Variants in ZNF385D observed in about 807,000 individuals in gnomAD.
ZNF385D encodes zinc finger protein 659.
ZNF385D carries 15 observed loss-of-function variants against 35.8 expected under a neutral mutation model. The ratio of observed to expected loss-of-function variants is 0.42; its 90% CI spans 0.28 to 0.64. ZNF385D has a LOEUF of 0.64. Among genes scored for constraint, ZNF385D ranks in the 30% least tolerant of loss-of-function variants. The probability of loss-of-function intolerance (pLI) is 0.23; values close to 1 mark genes in which losing one functional copy is unlikely to be tolerated. For missense variants in ZNF385D, 474 were observed against 494.6 expected (o/e 0.96, Z 0.39); for synonymous variants, 212 against 186.8 (o/e 1.13, Z -1.10).
At chr3:21,676,056 T>C (rs779212443) in intron 1 of ZNF385D, among the ~76,000 whole-genome samples, 3 of 152,136 alleles carry the variant, frequency 2.0e-5, no homozygotes, top group Non-Finnish European at 4.4e-5. Flanking sequence ...ACAAAATTCC[T>C]AGGAAACCTA....
At chr3:21,510,551 G>C (rs962431281) in intron 4 of ZNF385D, among the ~76,000 whole-genome samples, 4 of 152,126 alleles carry the variant, frequency 2.6e-5, no homozygotes, top group Non-Finnish European at 4.4e-5. Context: ...AGATGCAAAT[G>C]CTGCACACTG....
At chr3:21,792,753 A>G (rs2071983220) in intron 3 of ZNF385D, among the ~76,000 whole-genome samples, 1 of 152,170 alleles carries the variant, frequency 6.6e-6, no homozygotes, top group Non-Finnish European at 1.5e-5. Context: ...TCCCAATTGC[A>G]TAAAGTTCAA....
At chr3:22,029,691 T>C (rs770115136) in intron 3 of ZNF385D, among the ~76,000 whole-genome samples, 25 of 152,252 alleles carry the variant, frequency 1.6e-4, no homozygotes, top group Admixed American at 1.2e-3. Flanking sequence ...TTTGACTTCA[T>C]ATCACATTTA....
chr3:21,846,641 A>G (rs886914911), intron 3 of ZNF385D, among the ~76,000 whole-genome samples: 7 of 151,960 alleles, frequency 4.6e-5, no homozygotes, highest in African/African-American at 1.4e-4. Context: ...TGGAGGGGCG[A>G]TCTAAGAGAA....
At chr3:21,890,172 A>G (rs970642483) in intron 3 of ZNF385D, among the ~76,000 whole-genome samples, 2 of 152,182 alleles carry the variant, frequency 1.3e-5, no homozygotes, top group African/African-American at 4.8e-5. Context: ...CCCTAATATT[A>G]TGTGCAGGTT....
chr3:22,266,216 G>A (rs1194174552), intron 2 of ZNF385D, among the ~76,000 whole-genome samples: 2 of 151,920 alleles, frequency 1.3e-5, no homozygotes, highest in Non-Finnish European at 2.9e-5. Context: ...GAGGAGCCAG[G>A]TCTGGAAATA....
At chr3:21,795,977 G>A (rs1029530878) in intron 3 of ZNF385D, among the ~76,000 whole-genome samples, 2 of 152,196 alleles carry the variant, frequency 1.3e-5, no homozygotes, top group African/African-American at 4.8e-5. Flanking sequence ...AGATCTAATA[G>A]TCTAGGGTAA....
At chr3:21,742,324 TTCC>T (rs2069555274) in intron 1 of ZNF385D, among the ~76,000 whole-genome samples, 1 of 152,214 alleles carries the variant, frequency 6.6e-6, no homozygotes, top group African/African-American at 2.4e-5. Context: ...TGAACCATAC[TTCC>T]TTTCCCTCTT....
At chr3:21,854,931 C>T (rs1696624997) in intron 3 of ZNF385D, among the ~76,000 whole-genome samples, 1 of 151,894 alleles carries the variant, frequency 6.6e-6, no homozygotes, top group African/African-American at 2.4e-5. Context: ...CTTCATTAAT[C>T]TGATCTGTAA....
chr3:21,487,220 G>GT (rs1298659461), intron 4 of ZNF385D, among the ~76,000 whole-genome samples: 1 of 151,910 alleles, frequency 6.6e-6, no homozygotes, highest in African/African-American at 2.4e-5. Context: ...TGCCTCCAGT[G>GT]TTTTTTCTAA....
Position 22,139,279 on chromosome 3 carries a change from A to G in ZNF385D, c.325+29538T>C, listed in dbSNP as rs1188549578. Among the ~76,000 whole-genome samples the G allele has an allele frequency of 7.2e-5, 11 of 152,264 alleles. 2 individuals carry two copies. The highest frequency in any genetic ancestry group is 5.8e-4 in the East Asian group (3 of 5,178). Reference sequence around the variant, plus strand: ...CCCATTACTGGGTATATACCCAAAGAATTATATATCATGCTGCTATAAAGA... The same window carrying G: ...CCCATTACTGGGTATATACCCAAAGGATTATATATCATGCTGCTATAAAGA... On this transcript the variant is annotated intron_variant, in intron 3 of 5. Coordinates refer to the ZNF385D transcript ENST00000494108.
chr3:21,599,787 G>T (rs1407132011), intron 2 of ZNF385D, among the ~76,000 whole-genome samples: 1 of 152,156 alleles, frequency 6.6e-6, no homozygotes, highest in Non-Finnish European at 1.5e-5. Flanking sequence ...ATGGAGACTG[G>T]ACTGCACTGG....
intron 2 of ZNF385D, among the ~76,000 whole-genome samples, chr3:22,304,455 T>C (rs13078634): frequency 0.59 from 89,493 of 151,986 alleles, 26,582 homozygotes; most frequent in South Asian, 0.67. Flanking sequence ...GTAAGGTATA[T>C]TAGAGACTTT....
chr3:21,424,114 A>T (rs930460981), intron 6 of ZNF385D, 50 bp from the exon 7 acceptor site: 2 of 1,478,380 alleles, frequency 1.4e-6, no homozygotes, highest in Non-Finnish European at 1.8e-6. Flanking sequence ...ATCTGCAAAA[A>T]CCTCTCACAA....
intron 3 of ZNF385D, among the ~76,000 whole-genome samples, chr3:22,048,682 G>A (rs780680315): frequency 3.0e-4 from 45 of 152,202 alleles, no homozygotes; most frequent in Middle Eastern, 6.8e-3. Flanking sequence ...GTAATGTGAT[G>A]CCTTTGGCTT....
chr3:21,829,026 T>C (rs567135566), intron 3 of ZNF385D, among the ~76,000 whole-genome samples: 2 of 152,182 alleles, frequency 1.3e-5, no homozygotes, highest in Non-Finnish European at 2.9e-5. Context: ...TTCCATCTCA[T>C]GGTCCTTAAT....
chr3:22,022,753 A>T (rs1482360427), intron 3 of ZNF385D, among the ~76,000 whole-genome samples: 1 of 152,190 alleles, frequency 6.6e-6, no homozygotes, highest in Non-Finnish European at 1.5e-5. Flanking sequence ...GATGGAAAAA[A>T]ATTCAAGAAC....
chr3:22,057,456 G>T (rs116105471), intron 3 of ZNF385D, among the ~76,000 whole-genome samples: 1 of 151,732 alleles, frequency 6.6e-6, no homozygotes. Flanking sequence ...CAATTAAATT[G>T]GATAAAAGCA....
intron 3 of ZNF385D, among the ~76,000 whole-genome samples, chr3:22,111,851 G>C (rs886091996): frequency 2.6e-5 from 4 of 152,124 alleles, no homozygotes; most frequent in African/African-American, 4.8e-5. Context: ...ATAAAGCACA[G>C]AGAGCTGGGT....
Sources: allele counts gnomAD v4.1 joint callset (sites outside exome capture counted in the v4.1 genomes callset), GRCh38; gene constraint gnomAD v4.1.1; transcripts MANE v1.5; gene names NCBI Gene and HGNC (gene_info 2026-07-23, HGNC 2026-07-21).